Variants in HK3 observed in about 807,000 individuals in gnomAD.
HK3 encodes the protein hexokinase 3.
Under a neutral mutation model 91.0 loss-of-function variants are expected in HK3, and 93 were observed. The observed-to-expected ratio is 1.02, with a 90% confidence interval of 0.86 to 1.21. The LOEUF is 1.21. Ranked by LOEUF, HK3 falls within the 50% of genes most tolerant of loss-of-function variation. The pLI is 0.00. For missense variants in HK3, 1,235 were observed against 1,247.4 expected, an observed-to-expected ratio of 0.99 and a Z score of 0.15; for synonymous variants, 519 against 516.9, an observed-to-expected ratio of 1.00 and a Z score of -0.06.
chr5:176,883,458 G>T (rs989824211), intron 15 of HK3, among the ~76,000 whole-genome samples: 1 of 152,128 alleles, frequency 6.6e-6, no homozygotes, highest in African/African-American at 2.4e-5. Context: ...CTGGTGACTT[G>T]CCCAAGGTCA....
chr5:176,887,482 G>A lies in HK3; in HGVS notation c.1569C>T (p.Pro523=). 1 of 1,613,284 alleles carries A rather than the reference G, an allele frequency of 6.2e-7. No individual in the cohort carries two copies. The highest frequency in any genetic ancestry group is 1.1e-5 in the South Asian group (1 of 91,074). The change falls in exon 11 of 19, where the codon CCC becomes CCT. Residue 523 remains proline (P), a synonymous_variant. Coordinates refer to ENST00000292432, the MANE Select transcript of HK3 (RefSeq NM_002115.3). The surrounding 1 kb of genome is among the most constrained non-coding windows in gnomAD (Gnocchi z 4.9). ...RGEASSLRML[P]TFVRATPDGS... Reference sequence around the variant, plus strand: ...CGTCAGGGGTGGCCCGGACGAAAGTGGGCAGCATGCGAAGGGAGGAGGCCT... The same window carrying A: ...CGTCAGGGGTGGCCCGGACGAAAGTAGGCAGCATGCGAAGGGAGGAGGCCT...
rs774486119 is a variant in HK3 at position 176,889,506 on chromosome 5, T to C, written c.789A>G (p.Glu263=). 6.2e-7 allele frequency: 1 copy of C among 1,614,200 alleles called. No individual in the cohort carries two copies. The highest frequency in any genetic ancestry group is 1.7e-5 in the Admixed American group (1 of 60,030). ...EEARHVAVLD[E]DRGRVCVSVE... ...CGCTGACGCAGACGCGGCCCCGGTC[T>C]TCGTCCAGCACTGCCACATGCCGTG... Residue 263 remains glutamate, a synonymous_variant, in exon 8 of 19, where the codon GAA becomes GAG. Coordinates refer to ENST00000292432, the MANE Select transcript of HK3 (RefSeq NM_002115.3).
rs1386023727 is a variant in HK3 at position 176,887,253 on chromosome 5, G to A, written c.1685C>T (p.Thr562Ile). 6.2e-7 allele frequency: 1 copy of A among 1,613,982 alleles called. No homozygotes were observed. The highest frequency in any genetic ancestry group is 8.5e-7 in the Non-Finnish European group (1 of 1,180,046). The change falls in exon 12 of 19, where the codon ACC becomes ATC. Residue 562 changes from threonine to isoleucine, a missense_variant. Around this residue, in one of 3 missense-constraint regions of HK3, gnomAD observed 5 missense variants for 18.4 expected, o/e 0.27. Transcript: ENST00000292432. The surrounding 1 kb of genome is among the most constrained non-coding windows in gnomAD (Gnocchi z 4.9). ...CTCGGGAATGGAGTAGATCTCGCTG[G>A]TGATCTGCACGCCTGTGGTCACACG... The part of the protein sequence containing the change: ...LVRVTTGVQI[T>I]SEIYSIPETV...
intron 2 of HK3, among the ~76,000 whole-genome samples, chr5:176,893,093 A>C (rs930838161): frequency 4.6e-5 from 7 of 152,220 alleles, no homozygotes; most frequent in Admixed American, 1.3e-4. Flanking sequence ...AAAGAGCTGC[A>C]GGACAGGCGG....
intron 2 of HK3, among the ~76,000 whole-genome samples, chr5:176,895,085 T>TC (rs1758874786): frequency 7.3e-6 from 1 of 137,454 alleles, no homozygotes; most frequent in East Asian, 2.2e-4. Flanking sequence ...ACTTTTTTTT[T>TC]TTTTTTTTTT....
rs1354822697 is a variant in HK3 at position 176,887,038 on chromosome 5, G to A, written c.1821C>T (p.Thr607=). 1.2e-6 allele frequency: 2 copies of A among 1,614,194 alleles called. No individual in the cohort carries two copies. Among genetic ancestry groups the A allele is most frequent in the South Asian group, 1.1e-5 (1 of 91,066 alleles). Residue 607 remains threonine, a synonymous_variant, in exon 13 of 19, where the codon ACC becomes ACT. Coordinates refer to ENST00000292432, the MANE Select transcript of HK3 (RefSeq NM_002115.3). This position sits in a 1 kb window ranked among gnomAD's most constrained non-coding sequence, Gnocchi z 4.9. Reference sequence around the variant, plus strand: ...CAAGCTGCCTACATGGGAAGGAGAAGGTAAAACCCAGTGGGAGGCTCTGCC... The same window carrying A: ...CAAGCTGCCTACATGGGAAGGAGAAAGTAAAACCCAGTGGGAGGCTCTGCC... ...LSGQSLPLGF[T]FSFPCRQLGL... is the part of the protein sequence containing the mutation.
In HK3 at chr5:176,887,502, A is replaced by C; in HGVS notation, c.1549T>G (p.Ser517Ala). 1.2e-6 allele frequency: 2 copies of C among 1,613,664 alleles called. No individual in the cohort carries two copies. Among genetic ancestry groups the C allele is most frequent in the Non-Finnish European group, 1.7e-6 (2 of 1,179,898 alleles). The change falls in exon 11 of 19, where the codon TCC becomes GCC. Residue 517 changes from serine (S) to alanine (A), a missense_variant. By Grantham distance (99) the Ser-to-Ala change is moderately conservative (BLOSUM62 1). Transcript: ENST00000292432. The surrounding 1 kb of genome is among the most constrained non-coding windows in gnomAD (Gnocchi z 4.9). ...AAAGTGGGCAGCATGCGAAGGGAGG[A>C]GGCCTCCCCTCGGAGCCCCTTGGCC... The part of the protein sequence containing the change: ...AMAKGLRGEA[S>A]SLRMLPTFVR...
At position 176,887,290 on chromosome 5, in the gene HK3, CA is replaced by C. The variant is rs1758618446; in HGVS notation, c.1647del (p.Val550SerfsTer6). 6.2e-7 allele frequency: 1 copy of C among 1,613,942 alleles called. No individual in the cohort carries two copies. Among genetic ancestry groups the C allele is most frequent in the African/African-American group, 1.3e-5 (1 of 74,904 alleles). On this transcript the variant is annotated frameshift_variant, in exon 12 of 19. Transcript: ENST00000292432. LOFTEE classifies it high-confidence loss of function. This position sits in a 1 kb window ranked among gnomAD's most constrained non-coding sequence, Gnocchi z 4.9. ...LALDLGGTNF[R>X]VLLVRVTTGV... ...CCTGTGGTCACACGTACCAGGAGGA[CA>C]CGGAAGTTCGTGCCCCCGAGGTCCA...
At chr5:176,890,072 G>A (rs1027690841) in intron 6 of HK3, among the ~76,000 whole-genome samples, 1 of 152,064 alleles carries the variant, frequency 6.6e-6, no homozygotes, top group Admixed American at 6.5e-5. Context: ...CAGCCTCACT[G>A]TCATCCTGCC....
In HK3 at chr5:176,887,068, C is replaced by T. The variant is rs760178153; in HGVS notation, c.1791G>A (p.Leu597=). The change falls in exon 13 of 19, where the codon CTG becomes CTA. Residue 597 remains leucine (L), a synonymous_variant. Coordinates refer to ENST00000292432, the MANE Select transcript of HK3 (RefSeq NM_002115.3). This position sits in a 1 kb window ranked among gnomAD's most constrained non-coding sequence, Gnocchi z 4.9. The part of the protein sequence containing the change: ...CIVDFQQKQG[L]SGQSLPLGFT... ...AACCCAGTGGGAGGCTCTGCCCGCT[C>T]AGGCCCTGCTTCTGCTGGAAGTCCA... is the stretch of plus-strand genomic sequence containing the variant. The T allele has an allele frequency of 3.8e-5, 61 of 1,614,092 alleles. No homozygotes were observed. The highest frequency in any genetic ancestry group is 4.5e-5 in the Non-Finnish European group (53 of 1,180,038).
At chr5:176,888,669 G>T in intron 9 of HK3, 40 bp downstream of exon 9, 1 of 1,613,562 alleles carries the variant, frequency 6.2e-7, no homozygotes, top group Non-Finnish European at 8.5e-7. Context: ...CTTCCTCCAA[G>T]CCAAGAATCC....
At chr5:176,883,622 C>A in intron 15 of HK3, 148 bp downstream of exon 15, 1 of 633,642 alleles carries the variant, frequency 1.6e-6, no homozygotes, top group Non-Finnish European at 2.8e-6. Flanking sequence ...TCCAAACTGC[C>A]AGCCCAAGAG....
rs762733644 is a variant in HK3, at chr5:176,884,320, C to T, written c.1858-186G>A. Among the ~76,000 whole-genome samples, 4 of 152,222 alleles carry T rather than the reference C, an allele frequency of 2.6e-5. No homozygotes were observed. The highest frequency in any genetic ancestry group is 4.4e-5 in the Non-Finnish European group (3 of 68,048). On this transcript the variant is annotated intron_variant, in intron 13 of 18. Transcript: ENST00000292432. This position sits in a 1 kb window ranked among gnomAD's most constrained non-coding sequence, Gnocchi z 4.1. ...CGCTCCCTACTCCCCAGGAGGCTTT[C>T]GGTGTGCAAAAACCTATTAATAACC...
In HK3 at chr5:176,881,170, C is replaced by T. The variant is rs1433669510; in HGVS notation, c.2675G>A (p.Cys892Tyr). 1 of 1,613,188 alleles carries T rather than the reference C, an allele frequency of 6.2e-7. No individual in the cohort carries two copies. Among genetic ancestry groups the T allele is most frequent in the Non-Finnish European group, 8.5e-7 (1 of 1,179,952 alleles). The change falls in exon 19 of 19, where the codon TGT (cysteine) becomes TAT (tyrosine). Residue 892 changes from cysteine (C) to tyrosine (Y), a missense_variant. Physicochemically the swap from Cys to Tyr is radical, Grantham distance 194. This residue lies in a region of HK3 where 513 missense variants were observed against 477.4 expected (regional missense o/e 1.07). Transcript: ENST00000292432. ...AATVRELAPR[C>Y]VVTFLQSEDG... ...CTCTGACTGCAGGAACGTGACCACA[C>T]AGCGAGGGGCCAGCTCCCGCACTGT... is the stretch of plus-strand genomic sequence containing the variant.
rs369518707 is a variant in HK3, at chr5:176,887,363, C to T, written c.1601-26G>A. 46 of 1,613,672 alleles carry T rather than the reference C, an allele frequency of 2.9e-5. No homozygotes were observed. Among genetic ancestry groups the T allele is most frequent in the South Asian group, 5.5e-5 (5 of 91,078 alleles). ...CTGTGGGGGCAGAGACCCTCAGTGCCGGGATAGGGCTTGTGGCTCCAGCCC... is the reference window on the plus strand; with the variant it reads ...CTGTGGGGGCAGAGACCCTCAGTGCTGGGATAGGGCTTGTGGCTCCAGCCC... On this transcript the variant is annotated intron_variant, in intron 11 of 18. Transcript: ENST00000292432. This position sits in a 1 kb window ranked among gnomAD's most constrained non-coding sequence, Gnocchi z 4.9.
intron 2 of HK3, among the ~76,000 whole-genome samples, chr5:176,894,353 A>C (rs1296796962): frequency 6.6e-6 from 1 of 152,168 alleles, no homozygotes; most frequent in Non-Finnish European, 1.5e-5. Context: ...ACCATGGGAA[A>C]TTTGGTGTCC....
At position 176,881,356 on chromosome 5, in the gene HK3, TC is replaced by T. The variant is rs770679184; in HGVS notation, c.2572del (p.Glu858LysfsTer63). 1 of 1,613,950 alleles carries T rather than the reference TC, an allele frequency of 6.2e-7. No individual in the cohort carries two copies. The highest frequency in any genetic ancestry group is 8.5e-7 in the Non-Finnish European group (1 of 1,180,000). On this transcript the variant is annotated frameshift_variant, in exon 18 of 19. Transcript: ENST00000292432. LOFTEE classifies it high-confidence loss of function. Reference protein sequence around the residue: ...VEKIRENRGLEELAVSVGVDG... With the variant: ...VEKIRENRGLXELAVSVGVDG... The stretch of plus-strand genomic sequence containing the variant: ...CACCCCCACAGACACTGCCAGCTCT[TC>T]CAGGCCCCGGTTCTCCCGGATCTTC...
chr5:176,889,406 C>T lies in HK3; in HGVS notation c.889G>A (p.Glu297Lys). 1 of 1,614,148 alleles carries T rather than the reference C, an allele frequency of 6.2e-7. No homozygotes were observed. Reference protein sequence around the residue: ...LTTFDHTLDHESLNPGAQRFE... With the variant: ...LTTFDHTLDHKSLNPGAQRFE... Reference sequence around the variant, plus strand: ...CTCTGAGCACCAGGATTCAGGGACTCATGGTCCAGGGTATGGTCGAAGGTG... The same window carrying T: ...CTCTGAGCACCAGGATTCAGGGACTTATGGTCCAGGGTATGGTCGAAGGTG... Residue 297 changes from glutamate to lysine, a missense_variant, in exon 8 of 19, where the codon GAG (glutamate) becomes AAG (lysine). Glu to Lys is a moderately conservative substitution (Grantham distance 56). Around this residue, in one of 3 missense-constraint regions of HK3, gnomAD observed 717 missense variants for 751.6 expected, o/e 0.95. Transcript: ENST00000292432.
intron 15 of HK3, among the ~76,000 whole-genome samples, chr5:176,882,561 G>A (rs752699462): frequency 1.4e-4 from 21 of 152,194 alleles, no homozygotes; most frequent in Non-Finnish European, 2.4e-4. Flanking sequence ...GAGACGAGGA[G>A]CCCCACAGTC....
Sources: allele counts gnomAD v4.1 joint callset (sites outside exome capture counted in the v4.1 genomes callset), GRCh38; gene constraint gnomAD v4.1.1; regional missense constraint gnomAD v4.1.1; non-coding constraint Gnocchi (gnomAD v3.1); transcripts MANE v1.5; gene names NCBI Gene and HGNC (gene_info 2026-07-23, HGNC 2026-07-21).